MPP7: variants seen among roughly 807,000 people sequenced by gnomAD.
The protein encoded by MPP7 is MAGUK p55 scaffold protein 7, also known as MAGUK p55 subfamily member 7.
MPP7 carries 60 observed loss-of-function variants against 76.5 expected under a neutral mutation model. The ratio of observed to expected loss-of-function variants is 0.78; its 90% CI spans 0.64 to 0.97. The LOEUF is 0.97. Among genes scored for constraint, MPP7 ranks in the 50% least tolerant of loss-of-function variants. The probability of loss-of-function intolerance (pLI) is 0.00; values close to 1 mark genes in which losing one functional copy is unlikely to be tolerated. For missense variants in MPP7, 641 were observed against 694.0 expected, an observed-to-expected ratio of 0.92 and a Z score of 0.86; for synonymous variants, 237 against 244.5, an observed-to-expected ratio of 0.97 and a Z score of 0.29.
chr10:28,083,827 C>T (rs1477686349), intron 12 of MPP7, among the ~76,000 whole-genome samples: 8 of 152,124 alleles, frequency 5.3e-5, no homozygotes, highest in African/African-American at 1.4e-4. Flanking sequence ...CATCAGCCAC[C>T]GCACCTGGCC....
chr10:28,094,502 T>C (rs118113414), intron 11 of MPP7, among the ~76,000 whole-genome samples: 5,462 of 152,256 alleles, frequency 0.036, 145 homozygotes, highest in Middle Eastern at 0.11. Flanking sequence ...TTCGGTCCCA[T>C]CTGTGGCATA....
chr10:28,118,317 TTCAA>T lies in MPP7; in HGVS notation c.952+1330_952+1333del, dbSNP rs973771768. The T allele has an allele frequency of 9.5e-5, 93 of 979,510 alleles. No homozygotes were observed. In the African/African-American group the frequency reaches 1.4e-3, roughly 14 times the overall value. 60.7% of individuals were successfully genotyped at this position (979,510 alleles called of 1,614,324 possible). On this transcript the variant is annotated intron_variant, in intron 11 of 16. Transcript: ENST00000683449. ...AATACATATACACTTATCAAAAATT[TTCAA>T]TCAATGAAAATTTATAATAATATCA...
chr10:28,271,146 A>G (rs1384239684), intron 1 of MPP7, among the ~76,000 whole-genome samples: 1 of 152,226 alleles, frequency 6.6e-6, no homozygotes, highest in Non-Finnish European at 1.5e-5. Flanking sequence ...AAAGGAAGTT[A>G]GGCAAAATTT....
At chr10:28,139,176 C>T (rs2133715328) in intron 5 of MPP7, among the ~76,000 whole-genome samples, 1 of 152,342 alleles carries the variant, frequency 6.6e-6, no homozygotes, top group South Asian at 2.1e-4. Context: ...GCTCCTACCA[C>T]CCTTTGTATT....
At chr10:28,065,573 GCTCA>G (rs1851957452) in intron 13 of MPP7, among the ~76,000 whole-genome samples, 1 of 152,110 alleles carries the variant, frequency 6.6e-6, no homozygotes, top group Admixed American at 6.5e-5. Context: ...CTCCATCACA[GCTCA>G]CTGAGTACCC....
intron 11 of MPP7, among the ~76,000 whole-genome samples, chr10:28,104,107 G>C (rs914941227): frequency 4.6e-5 from 7 of 152,020 alleles, no homozygotes; most frequent in Non-Finnish European, 8.8e-5. Context: ...AAGACAAAAG[G>C]GAAGTGATTC....
intron 1 of MPP7, among the ~76,000 whole-genome samples, chr10:28,253,909 T>C (rs538725929): frequency 1.3e-3 from 185 of 139,800 alleles, no homozygotes; most frequent in African/African-American, 4.7e-3. Flanking sequence ...GGCAGGAGAA[T>C]CACTTGAACC....
At chr10:28,069,610 CA>C (rs1396096867) in intron 13 of MPP7, among the ~76,000 whole-genome samples, 161 bp downstream of exon 13, 96 of 147,606 alleles carry the variant, frequency 6.5e-4, no homozygotes, top group African/African-American at 2.2e-3. Flanking sequence ...CTCAAAAAAA[CA>C]AAACAAACAA....
intron 12 of MPP7, among the ~76,000 whole-genome samples, chr10:28,080,328 G>A (rs963958833): frequency 6.6e-6 from 1 of 152,076 alleles, no homozygotes; most frequent in African/African-American, 2.4e-5. Flanking sequence ...ATCCCTGAGT[G>A]TTCCGTGGCT....
At chr10:28,200,579 C>T (rs1372472908) in intron 3 of MPP7, among the ~76,000 whole-genome samples, 1 of 152,156 alleles carries the variant, frequency 6.6e-6, no homozygotes, top group Non-Finnish European at 1.5e-5. Flanking sequence ...GCATTAGTTT[C>T]ATTCTTTTAA....
At chr10:28,202,046 G>C in intron 3 of MPP7, 107 bp downstream of exon 3, 1 of 780,768 alleles carries the variant, frequency 1.3e-6, no homozygotes, top group Non-Finnish European at 2.2e-6. Flanking sequence ...GAACAAGGCT[G>C]TTTTGTTTTC....
In MPP7 at chr10:28,072,885, C is replaced by A. The variant is rs536079449; in HGVS notation, c.1124-3033G>T. Among the ~76,000 whole-genome samples the A allele has an allele frequency of 2.0e-5, 3 of 152,228 alleles. No individual in the cohort carries two copies. In the East Asian group the frequency reaches 5.8e-4, roughly 29 times the overall value. ...TTCACTTCTATGATTTTGTTAATGT[C>A]TTCATCTCTCTTACACTTGTCCTTT... is the stretch of plus-strand genomic sequence containing the variant. On this transcript the variant is annotated intron_variant, in intron 12 of 16. Coordinates refer to ENST00000683449, the MANE Select transcript of MPP7 (RefSeq NM_001318170.2).
intron 3 of MPP7, among the ~76,000 whole-genome samples, chr10:28,184,732 T>A (rs1837172305): frequency 1.4e-5 from 2 of 147,890 alleles, no homozygotes; most frequent in Admixed American, 1.4e-4. Context: ...ATTATCCTAA[T>A]ATATAGTAAT....
intron 3 of MPP7, among the ~76,000 whole-genome samples, chr10:28,166,399 AATTTT>A: frequency 7.5e-6 from 1 of 132,548 alleles, no homozygotes; most frequent in Admixed American, 8.1e-5. Context: ...TTTACCTTTT[AATTTT>A]TTTTTTTTTT....
intron 1 of MPP7, among the ~76,000 whole-genome samples, chr10:28,242,461 C>A (rs1409195420): frequency 1.3e-5 from 2 of 152,048 alleles, no homozygotes; most frequent in Non-Finnish European, 2.9e-5. Flanking sequence ...ATATTTGGAC[C>A]CTCATAAATT....
At chr10:28,128,574 T>C (rs990894001) in intron 6 of MPP7, among the ~76,000 whole-genome samples, 13 of 152,218 alleles carry the variant, frequency 8.5e-5, no homozygotes, top group East Asian at 7.7e-4. Flanking sequence ...TCCCAACAGA[T>C]TGCCTATGGA....
At chr10:28,316,435 T>TAAAAAAAAAAAAAAA (rs549621404) in intron 2 of MPP7, among the ~76,000 whole-genome samples, 3 of 37,148 alleles carry the variant, frequency 8.1e-5, no homozygotes, top group African/African-American at 1.7e-4. Context: ...ACTCTGTCTT[T>TAAAAAAAAAAAAAAA]AAAAAAAAAA....
chr10:28,106,792 A>G (rs1420191386), intron 11 of MPP7, among the ~76,000 whole-genome samples: 2 of 152,128 alleles, frequency 1.3e-5, no homozygotes, highest in African/African-American at 4.8e-5. Context: ...TCCGGTGAAA[A>G]TGTTTCTCAG....
At chr10:28,260,687 G>A (rs966262705) in intron 1 of MPP7, among the ~76,000 whole-genome samples, 18 of 147,408 alleles carry the variant, frequency 1.2e-4, no homozygotes, top group Admixed American at 2.1e-4. Context: ...CAGGAGAATC[G>A]CTCGAACCTA....
Sources: gnomAD v4.1 joint callset for allele counts (sites outside exome capture counted in the v4.1 genomes callset) on GRCh38, gnomAD v4.1.1 for gene constraint, MANE v1.5 for transcripts, NCBI Gene and HGNC (gene_info 2026-07-23, HGNC 2026-07-21) for gene names.